Variants in P2RX4 observed in about 807,000 individuals in gnomAD.
P2RX4 encodes the protein purinergic receptor P2X 4, also known as P2X purinoceptor 4.
A neutral mutation model predicts 48.0 loss-of-function variants in P2RX4; 37 were observed. The observed-to-expected ratio is 0.77, with a 90% CI of 0.59 to 1.01. The LOEUF (loss-of-function observed/expected upper bound fraction) is 1.01. P2RX4 is among the 50% of genes least tolerant of loss of function. P2RX4 has a pLI of 0.00. For synonymous variants in P2RX4, 200 were observed against 199.7 expected (o/e 1.00, Z -0.01); for missense variants, 501 against 521.4 (o/e 0.96, Z 0.38).
chr12:121,224,655 C>T (rs1886863717), intron 5 of P2RX4, among the ~76,000 whole-genome samples: 1 of 151,862 alleles, frequency 6.6e-6, no homozygotes, highest in Admixed American at 6.6e-5. Context: ...ATCAACTAAA[C>T]TAGCCAGGTT....
chr12:121,225,165 C>T (rs1200882448), intron 5 of P2RX4, among the ~76,000 whole-genome samples: 6 of 150,388 alleles, frequency 4.0e-5, no homozygotes, highest in Admixed American at 6.7e-5. Flanking sequence ...CTCTGCCTCC[C>T]GGGTTCAAGT....
At chr12:121,220,414 T>C (rs1260119268) in intron 2 of P2RX4, among the ~76,000 whole-genome samples, 2 of 152,038 alleles carry the variant, frequency 1.3e-5, no homozygotes, top group African/African-American at 4.8e-5. Flanking sequence ...GGCAGGTAGA[T>C]CACTTGAGGC....
chr12:121,220,301 C>A (rs752564142), intron 2 of P2RX4, among the ~76,000 whole-genome samples: 1 of 151,642 alleles, frequency 6.6e-6, no homozygotes, highest in Middle Eastern at 3.4e-3. Flanking sequence ...GTTTGCAGAC[C>A]CCCCCCTTTT....
In P2RX4 at chr12:121,233,599, G is replaced by T. The variant is rs1177242602; in HGVS notation, c.*50G>T. ...CACAGCCCCATCAAAGAACAGAGAG[G>T]AGGAGGAGGGAGAAATGGCCACCAC... On this transcript the variant is annotated 3_prime_UTR_variant, in exon 12 of 12. Coordinates refer to ENST00000337233, the MANE Select transcript of P2RX4 (RefSeq NM_002560.3). 1.3e-6 allele frequency: 2 copies of T among 1,589,426 alleles called. No individual in the cohort carries two copies. Among genetic ancestry groups the T allele is most frequent in the Non-Finnish European group, 8.6e-7 (1 of 1,166,596 alleles).
At chr12:121,222,830 C>T in intron 4 of P2RX4, 117 bp from the exon 5 acceptor site, 5 of 1,466,186 alleles carry the variant, frequency 3.4e-6, no homozygotes, top group Non-Finnish European at 3.7e-6. Flanking sequence ...CAGATTTGCA[C>T]AGCTCAAGAC....
chr12:121,217,532 G>A (rs140666220), intron 2 of P2RX4, among the ~76,000 whole-genome samples: 2 of 152,288 alleles, frequency 1.3e-5, no homozygotes, highest in African/African-American at 4.8e-5. Context: ...GAAAACAAAT[G>A]TCTTAAATCC....
rs781008868 is a variant in P2RX4 at position 121,217,273 on chromosome 12, C to A, written c.274C>A (p.Pro92Thr). The A allele has an allele frequency of 2.5e-6, 4 of 1,614,088 alleles. No homozygotes were observed. The African/African-American group carries it at 4.0e-5, about 16-fold the overall frequency. The change falls in exon 2 of 12, where the codon CCA becomes ACA. Residue 92 changes from proline to threonine, a missense_variant. By Grantham distance (38) the Pro-to-Thr change is conservative. Transcript: ENST00000337233. ...RIWDVADYVI[P>T]AQEENSLFVM... ...CTGGGATGTGGCGGATTATGTGATA[C>A]CAGCTCAGGTGTGTCTCCCACTGTG...
At chr12:121,224,756 G>A (rs1886872944) in intron 5 of P2RX4, among the ~76,000 whole-genome samples, 1 of 152,104 alleles carries the variant, frequency 6.6e-6, no homozygotes, top group African/African-American at 2.4e-5. Context: ...AGTGCGTGCA[G>A]CCTAGGGCCT....
At chr12:121,218,372 T>C (rs1212578182) in intron 2 of P2RX4, among the ~76,000 whole-genome samples, 1 of 152,012 alleles carries the variant, frequency 6.6e-6, no homozygotes, top group East Asian at 1.9e-4. Context: ...TAGTCCCAGC[T>C]ACTAGGGAGG....
At position 121,232,315 on chromosome 12, in the gene P2RX4, TG is replaced by T; in HGVS notation, c.885-97del. 1.2e-6 allele frequency: 1 copy of T among 846,552 alleles called. No individual in the cohort carries two copies. Among genetic ancestry groups the T allele is most frequent in the Non-Finnish European group, 2.0e-6 (1 of 504,750 alleles). 52.4% of individuals were successfully genotyped at this position (846,552 alleles called of 1,614,324 possible). On this transcript the variant is annotated intron_variant, in intron 8 of 11. Transcript: ENST00000337233. This position sits in a 1 kb window ranked among gnomAD's most constrained non-coding sequence, Gnocchi z 4.3. The stretch of plus-strand genomic sequence containing the variant: ...TCCAGCGTCCATTCAGCCGGCAGAG[TG>T]GACCATTCACCTGTGCCAGCTCCAC...
At chr12:121,223,137 G>A (rs537830980) in intron 5 of P2RX4, 94 bp downstream of exon 5, 25 of 786,514 alleles carry the variant, frequency 3.2e-5, no homozygotes, top group Non-Finnish European at 4.4e-5. Flanking sequence ...GCAGTGGTGC[G>A]ATCTTGGCTC....
At chr12:121,221,866 C>T (rs201612181) in intron 2 of P2RX4, 47 bp from the exon 3 acceptor site, 13 of 1,550,514 alleles carry the variant, frequency 8.4e-6, no homozygotes, top group South Asian at 5.6e-5. Context: ...CTTGGCTCTC[C>T]GTGAGTCCTC....
chr12:121,222,440 T>G, intron 4 of P2RX4: 1 of 489,086 alleles, frequency 2.0e-6, no homozygotes, highest in Non-Finnish European at 3.7e-6. Flanking sequence ...TGAGCCAGAG[T>G]CTCGCTCTGT....
chr12:121,212,824 A>ATATATATT (rs370835501), intron 1 of P2RX4: 13 of 32,252 alleles, frequency 4.0e-4, no homozygotes, highest in Admixed American at 5.4e-4. Context: ...ATATATATAT[A>ATATATATT]TTTTTTTTTT....
intron 4 of P2RX4, 167 bp downstream of exon 4, chr12:121,222,333 C>G: frequency 3.3e-6 from 2 of 613,488 alleles, no homozygotes; most frequent in African/African-American, 1.8e-5. Context: ...GTCATTGGAG[C>G]CCCACAAGCC....
At chr12:121,210,986 T>A (rs2136208074) in intron 1 of P2RX4, among the ~76,000 whole-genome samples, 1 of 152,290 alleles carries the variant, frequency 6.6e-6, no homozygotes, top group East Asian at 1.9e-4. Flanking sequence ...TTTCTTTTGA[T>A]CACTATGCGG....
In P2RX4 at chr12:121,217,148, G is replaced by A. The variant is rs767702661; in HGVS notation, c.149G>A (p.Trp50Ter). 2 of 1,614,138 alleles carry A rather than the reference G, an allele frequency of 1.2e-6. No individual in the cohort carries two copies. Among genetic ancestry groups the A allele is most frequent in the South Asian group, 2.2e-5 (2 of 91,080 alleles). ...TTATTTTATAGGTGGGTGTTTGTGT[G>A]GGAAAAGGGCTACCAGGAAACTGAC... is the stretch of plus-strand genomic sequence containing the variant. ...LAYVIGWVFV[W>*]EKGYQETDSV... Residue 50 changes from tryptophan (W) to a stop codon, truncating the protein, a stop_gained, in exon 2 of 12, where the codon TGG becomes TAG. Transcript: ENST00000337233. LOFTEE classifies it high-confidence loss of function.
chr12:121,226,508 G>A lies in P2RX4; in HGVS notation c.525-2025G>A, dbSNP rs143114312. 8.4e-3 allele frequency among the ~76,000 whole-genome samples: 1,285 copies of A among 152,120 alleles called. 13 individuals carry two copies. Among genetic ancestry groups the A allele is most frequent in the Middle Eastern group, 0.027 (8 of 294 alleles). Reference sequence around the variant, plus strand: ...CAGTGAGCCAAGATCATGCCACTGCGCTCCAGCCCGGGTGACAGAATAAGA... The same window carrying A: ...CAGTGAGCCAAGATCATGCCACTGCACTCCAGCCCGGGTGACAGAATAAGA... On this transcript the variant is annotated intron_variant, in intron 5 of 11. Coordinates refer to ENST00000337233, the MANE Select transcript of P2RX4 (RefSeq NM_002560.3).
At chr12:121,210,323 CGCGGCGGGT>C (rs1170631685) in intron 1 of P2RX4, 25 bp downstream of exon 1, 1 of 1,491,728 alleles carries the variant, frequency 6.7e-7, no homozygotes, top group East Asian at 2.9e-5. Context: ...GCGCGGGGGG[CGCGGCGGGT>C]GCTGCCCTCG....
Sources: allele counts gnomAD v4.1 joint callset (sites outside exome capture counted in the v4.1 genomes callset), GRCh38; gene constraint gnomAD v4.1.1; non-coding constraint Gnocchi (gnomAD v3.1); transcripts MANE v1.5; gene names NCBI Gene and HGNC (gene_info 2026-07-23, HGNC 2026-07-21).